Variants in MYO5A observed in about 807,000 individuals in gnomAD.
MYO5A encodes the protein unconventional myosin-Va.
Under a neutral mutation model 249.7 loss-of-function variants are expected in MYO5A, and 98 were observed. That is an observed-to-expected ratio of 0.39 (90% CI 0.33 to 0.46). The LOEUF (loss-of-function observed/expected upper bound fraction) is 0.46, where lower values mean the gene tolerates loss of function less well. Ranked by LOEUF, MYO5A falls within the 20% of genes least tolerant of loss-of-function variation. The probability of loss-of-function intolerance (pLI) is 0.98; values close to 1 mark genes in which losing one functional copy is unlikely to be tolerated. For synonymous variants in MYO5A, 778 were observed against 810.6 expected (o/e 0.96, Z 0.68); for missense variants, 1,696 against 2,308.8 (o/e 0.73, Z 5.44).
chr15:52,389,878 T>G (rs373311733), intron 12 of MYO5A, among the ~76,000 whole-genome samples: 33 of 152,186 alleles, frequency 2.2e-4, no homozygotes, highest in African/African-American at 7.5e-4. Context: ...CCCTTGAACC[T>G]GGGAGGCGGA....
intron 1 of MYO5A, among the ~76,000 whole-genome samples, chr15:52,454,781 C>T (rs374969915): frequency 3.3e-5 from 5 of 151,902 alleles, no homozygotes; most frequent in South Asian, 2.1e-4. Flanking sequence ...AATACAAAAA[C>T]GGTAATACAA....
Position 52,351,291 on chromosome 15 carries a change from G to C in MYO5A, c.3812C>G (p.Ser1271Cys), listed in dbSNP as rs1464605020. 6 of 1,614,192 alleles carry C rather than the reference G, an allele frequency of 3.7e-6. No homozygotes were observed. Among genetic ancestry groups the C allele is most frequent in the Non-Finnish European group, 5.1e-6 (6 of 1,180,026 alleles). The change falls in exon 28 of 42, where the codon TCT becomes TGT. Residue 1271 changes from serine to cysteine, a missense_variant. Coordinates refer to ENST00000399233, the MANE Select transcript of MYO5A (RefSeq NM_001382347.1). Reference sequence around the variant, plus strand: ...GGCCTCTTTCTGGCTCACCAGTTGAGACCTTAAGATGAGGACTTCCTCCTT... The same window carrying C: ...GGCCTCTTTCTGGCTCACCAGTTGACACCTTAAGATGAGGACTTCCTCCTT... The part of the protein sequence containing the change: ...VRKEEVLILR[S>C]QLVSQKEAIQ...
intron 39 of MYO5A, 95 bp downstream of exon 39, chr15:52,318,965 T>C (rs1184252599): frequency 2.0e-6 from 3 of 1,464,282 alleles, no homozygotes; most frequent in South Asian, 1.2e-5. Flanking sequence ...AGACATGAGA[T>C]GCAAGAACTG....
At chr15:52,472,638 C>T (rs963748034) in intron 1 of MYO5A, among the ~76,000 whole-genome samples, 1 of 152,138 alleles carries the variant, frequency 6.6e-6, no homozygotes, top group African/African-American at 2.4e-5. Flanking sequence ...TGAGAACATG[C>T]AGTGTTTGGT....
At chr15:52,361,947 G>T (rs981048554) in intron 24 of MYO5A, among the ~76,000 whole-genome samples, 4 of 152,020 alleles carry the variant, frequency 2.6e-5, no homozygotes, top group Non-Finnish European at 1.5e-5. Flanking sequence ...TTGACATGCT[G>T]GTTTCCCTCC....
intron 1 of MYO5A, among the ~76,000 whole-genome samples, chr15:52,515,245 C>G (rs1476278590): frequency 6.6e-6 from 1 of 151,166 alleles, no homozygotes; most frequent in Non-Finnish European, 1.5e-5. Context: ...TCACTGCACT[C>G]CAGCCTGAGC....
chr15:52,486,081 T>C (rs572889922), intron 1 of MYO5A, among the ~76,000 whole-genome samples: 1 of 152,344 alleles, frequency 6.6e-6, no homozygotes, highest in East Asian at 1.9e-4. Context: ...ACTTTTCCTA[T>C]TCATTTTCAA....
At chr15:52,405,057 A>T (rs879811742) in intron 9 of MYO5A, among the ~76,000 whole-genome samples, 20,539 of 126,246 alleles carry the variant, frequency 0.16, 1,496 homozygotes, top group Middle Eastern at 0.22. Flanking sequence ...TCTGTCACAC[A>T]CACACACACA....
chr15:52,478,795 C>G (rs144446440), intron 1 of MYO5A, among the ~76,000 whole-genome samples: 85 of 152,268 alleles, frequency 5.6e-4, no homozygotes, highest in African/African-American at 1.9e-3. Flanking sequence ...TAGTGTCACA[C>G]ATTTTAAGGG....
chr15:52,419,190 G>A (rs1482101143), intron 4 of MYO5A, among the ~76,000 whole-genome samples: 3 of 152,120 alleles, frequency 2.0e-5, no homozygotes, highest in Non-Finnish European at 4.4e-5. Context: ...CTGCACCTAG[G>A]TCTAACTTTT....
chr15:52,464,131 A>G (rs907805303), intron 1 of MYO5A, among the ~76,000 whole-genome samples: 2 of 152,344 alleles, frequency 1.3e-5, no homozygotes, highest in African/African-American at 4.8e-5. Context: ...CAGATAAATT[A>G]GATAAGGCTT....
chr15:52,391,254 G>A (rs1626180), intron 12 of MYO5A, among the ~76,000 whole-genome samples: 7,978 of 152,238 alleles, frequency 0.052, 248 homozygotes, highest in South Asian at 0.093. Flanking sequence ...TGGGTCAAGA[G>A]CGGTGTACCA....
intron 36 of MYO5A, among the ~76,000 whole-genome samples, chr15:52,327,243 T>C (rs2038653781): frequency 1.3e-5 from 2 of 152,234 alleles, no homozygotes; most frequent in Non-Finnish European, 2.9e-5. Context: ...ATTGTTTAGT[T>C]CTAAGTAAAA....
In MYO5A at chr15:52,485,331, A is replaced by G. The variant is rs189271325; in HGVS notation, c.27+43449T>C. ...CTAATGACAAAAAATGTTTTAGGGT[A>G]TTGAATTTGAACAAAGTAGTATATA... On this transcript the variant is annotated intron_variant, in intron 1 of 41. Coordinates refer to ENST00000399233, the MANE Select transcript of MYO5A (RefSeq NM_001382347.1). Among the ~76,000 whole-genome samples the G allele has an allele frequency of 1.8e-4, 27 of 151,658 alleles. 1 individual carries two copies. Among genetic ancestry groups the G allele is most frequent in the Non-Finnish European group, 3.2e-4 (22 of 67,908 alleles).
At chr15:52,510,269 A>T (rs1053068825) in intron 1 of MYO5A, among the ~76,000 whole-genome samples, 3 of 152,030 alleles carry the variant, frequency 2.0e-5, no homozygotes, top group Middle Eastern at 3.2e-3. Context: ...ATAATAAACT[A>T]CTCCATCTAT....
intron 16 of MYO5A, among the ~76,000 whole-genome samples, chr15:52,380,680 T>C (rs1246459432): frequency 1.3e-5 from 2 of 151,970 alleles, no homozygotes; most frequent in Non-Finnish European, 2.9e-5. Context: ...GGCAGGAGAA[T>C]CGCTTGAACC....
intron 38 of MYO5A, among the ~76,000 whole-genome samples, chr15:52,319,902 A>G (rs1415822923): frequency 1.3e-5 from 2 of 152,248 alleles, no homozygotes; most frequent in Non-Finnish European, 2.9e-5. Context: ...GTTAAGAAGC[A>G]GTAGCCTTGT....
intron 1 of MYO5A, chr15:52,505,983 G>C (rs1221808910): frequency 1.3e-5 from 11 of 847,188 alleles, no homozygotes; most frequent in Non-Finnish European, 1.9e-5. Context: ...GGAGGCTGAG[G>C]AGGGCAGATA....
chr15:52,511,100 T>C (rs1436760748), intron 1 of MYO5A, among the ~76,000 whole-genome samples: 1 of 152,156 alleles, frequency 6.6e-6, no homozygotes, highest in Non-Finnish European at 1.5e-5. Context: ...CAGACTATTC[T>C]CATTTTCCTG....
Sources: allele counts gnomAD v4.1 joint callset (sites outside exome capture counted in the v4.1 genomes callset), GRCh38; gene constraint gnomAD v4.1.1; transcripts MANE v1.5; gene names NCBI Gene and HGNC (gene_info 2026-07-23, HGNC 2026-07-21).